The following ABCA4 variants were observed in gnomAD, a reference collection of about 807,000 sequenced individuals.
ABCA4 encodes retinal-specific phospholipid-transporting ATPase ABCA4.
A neutral mutation model predicts 263.7 loss-of-function variants in ABCA4; 196 were observed. The observed-to-expected ratio is 0.74, with a 90% confidence interval of 0.66 to 0.84. The LOEUF is 0.84. ABCA4 is among the 40% of genes least tolerant of loss of function. The probability of loss-of-function intolerance (pLI) is 0.00; values close to 1 mark genes in which losing one functional copy is unlikely to be tolerated. For missense variants in ABCA4, 2,792 were observed against 2,855.1 expected, an observed-to-expected ratio of 0.98 and a Z score of 0.50; for synonymous variants, 1,133 against 1,094.2, an observed-to-expected ratio of 1.04 and a Z score of -0.70.
intron 16 of ABCA4, among the ~76,000 whole-genome samples, chr1:94,054,726 G>A (rs1030334819): frequency 6.6e-6 from 1 of 152,320 alleles, no homozygotes; most frequent in South Asian, 2.1e-4. Context: ...TTGGAGGCCA[G>A]GGTTGAGACA....
At chr1:94,018,265 T>G (rs923498749) in intron 36 of ABCA4, among the ~76,000 whole-genome samples, 31 of 152,332 alleles carry the variant, frequency 2.0e-4, no homozygotes, top group African/African-American at 6.3e-4. Context: ...ATTTCTTATC[T>G]TTTAAAAAAA....
At chr1:94,108,748 T>C (rs757668852) in intron 3 of ABCA4, 32 bp from the exon 4 acceptor site, 1 of 1,612,250 alleles carries the variant, frequency 6.2e-7, no homozygotes, top group Non-Finnish European at 8.5e-7. Context: ...AATAAGGAAA[T>C]AGCTGTTATT....
intron 38 of ABCA4, among the ~76,000 whole-genome samples, chr1:94,012,110 G>T (rs1274528784): frequency 1.3e-5 from 2 of 152,170 alleles, no homozygotes; most frequent in Non-Finnish European, 2.9e-5. Context: ...GGCCAGCATA[G>T]CTCCTGGCTG....
chr1:94,095,532 C>T (rs370166116), intron 6 of ABCA4, among the ~76,000 whole-genome samples: 1 of 152,182 alleles, frequency 6.6e-6, no homozygotes, highest in Admixed American at 6.5e-5. Flanking sequence ...AGCATGGCTG[C>T]GCGCCAACCA....
At chr1:94,093,717 T>G (rs922956513) in intron 6 of ABCA4, among the ~76,000 whole-genome samples, 5 of 152,224 alleles carry the variant, frequency 3.3e-5, no homozygotes, top group African/African-American at 1.2e-4. Flanking sequence ...TGAAAAGACA[T>G]CAAGGCAGGC....
intron 16 of ABCA4, among the ~76,000 whole-genome samples, chr1:94,052,389 CTTTT>C (rs761733081): frequency 6.6e-6 from 1 of 152,122 alleles, no homozygotes; most frequent in African/African-American, 2.4e-5. Context: ...ATGGTCTCGG[CTTTT>C]TTTAAGAGTT....
At chr1:94,008,519 G>C (rs1294334532) in intron 41 of ABCA4, among the ~76,000 whole-genome samples, 1 of 152,202 alleles carries the variant, frequency 6.6e-6, no homozygotes, top group African/African-American at 2.4e-5. Context: ...TGCTCAGCTG[G>C]AGTGATTCTC....
chr1:94,120,887 G>GGGCCCCC, intron 1 of ABCA4, 93 bp downstream of exon 1: 6 of 339,360 alleles, frequency 1.8e-5, no homozygotes, highest in African/African-American at 3.4e-5. Flanking sequence ...CCCCCACCCT[G>GGGCCCCC]CCCCACCACC....
chr1:94,081,583 G>A (rs1011465671), intron 7 of ABCA4, among the ~76,000 whole-genome samples: 1 of 152,052 alleles, frequency 6.6e-6, no homozygotes, highest in Non-Finnish European at 1.5e-5. Context: ...TGTGGTTTGT[G>A]GTTTTCTCGT....
chr1:94,111,470 A>T lies in ABCA4; in HGVS notation c.270T>A (p.Ser90=). The T allele has an allele frequency of 6.2e-7, 1 of 1,614,190 alleles. No homozygotes were observed. Among genetic ancestry groups the T allele is most frequent in the Non-Finnish European group, 8.5e-7 (1 of 1,180,024 alleles). The change falls in exon 3 of 50, where the codon TCT becomes TCA. Residue 90 remains serine, a synonymous_variant. Coordinates refer to ENST00000370225, the MANE Select transcript of ABCA4 (RefSeq NM_000350.3). ...TGTTATAGTTTGACACAATTCCAGG[A>T]GATTCTCCTGGGGTGGGGCTTTGAA... is the stretch of plus-strand genomic sequence containing the variant. ...PCFQSPTPGE[S]PGIVSNYNNS...
intron 38 of ABCA4, among the ~76,000 whole-genome samples, chr1:94,013,302 A>G (rs1053768479): frequency 1.3e-5 from 2 of 151,982 alleles, no homozygotes; most frequent in African/African-American, 2.4e-5. Flanking sequence ...TTACTTGCCT[A>G]GCAGCCACGA....
chr1:94,112,292 G>A (rs944531376), intron 2 of ABCA4, among the ~76,000 whole-genome samples: 1 of 152,130 alleles, frequency 6.6e-6, no homozygotes, highest in Non-Finnish European at 1.5e-5. Context: ...AGCATCTCTT[G>A]TCCTCATTTT....
At chr1:94,081,208 G>A (rs2101108092) in intron 7 of ABCA4, among the ~76,000 whole-genome samples, 1 of 152,134 alleles carries the variant, frequency 6.6e-6, no homozygotes, top group Admixed American at 6.5e-5. Context: ...CTGGGCGACT[G>A]AGCAATACTC....
chr1:94,103,612 GC>G (rs987512151), intron 4 of ABCA4, among the ~76,000 whole-genome samples: 16 of 152,164 alleles, frequency 1.1e-4, no homozygotes, highest in African/African-American at 3.9e-4. Context: ...GGATTATCTA[GC>G]CCCAAGTGTC....
At chr1:94,066,503 T>A (rs1338924709) in intron 11 of ABCA4, among the ~76,000 whole-genome samples, 1 of 152,258 alleles carries the variant, frequency 6.6e-6, no homozygotes, top group Non-Finnish European at 1.5e-5. Context: ...GCTCTTCATG[T>A]TGTGACACAC....
intron 17 of ABCA4, among the ~76,000 whole-genome samples, chr1:94,049,421 C>T (rs1382819978): frequency 3.3e-5 from 5 of 152,018 alleles, no homozygotes; most frequent in Admixed American, 2.0e-4. Context: ...GTCAGGAGTT[C>T]GAGACCAGTC....
intron 11 of ABCA4, among the ~76,000 whole-genome samples, chr1:94,065,703 T>C (rs1661251153): frequency 6.6e-6 from 1 of 152,176 alleles, no homozygotes; most frequent in Non-Finnish European, 1.5e-5. Context: ...CCAGCTGATA[T>C]GGGCAGAGGA....
rs1660944114 is a variant in ABCA4, at chr1:94,055,270, C to A, written c.2428G>T (p.Val810Phe). Residue 810 changes from valine to phenylalanine, a missense_variant, in exon 16 of 50, where the codon GTT (valine) becomes TTT (phenylalanine). Physicochemically the swap from Val to Phe is conservative, Grantham distance 50. Transcript: ENST00000370225. ...VAFGFGTEYL[V>F]RFEEQGLGLQ... ...CCCAGGCCTTGCTCTTCAAAGCGAA[C>A]CAGGTACTCAGTGCCAAATCCAAAT... 6.2e-7 allele frequency: 1 copy of A among 1,614,146 alleles called. No homozygotes were observed. Among genetic ancestry groups the A allele is most frequent in the Non-Finnish European group, 8.5e-7 (1 of 1,180,028 alleles).
intron 11 of ABCA4, among the ~76,000 whole-genome samples, chr1:94,072,011 G>T (rs1378526138): frequency 6.6e-6 from 1 of 152,174 alleles, no homozygotes; most frequent in African/African-American, 2.4e-5. Flanking sequence ...TGAGTCTAAA[G>T]TACATTACAT....
Sources: allele counts gnomAD v4.1 joint callset (sites outside exome capture counted in the v4.1 genomes callset), GRCh38; gene constraint gnomAD v4.1.1; transcripts MANE v1.5; gene names NCBI Gene and HGNC (gene_info 2026-07-23, HGNC 2026-07-21).